Variants in PTBP2 observed in about 807,000 individuals in gnomAD.
The protein encoded by PTBP2 is polypyrimidine tract binding protein 2.
PTBP2 carries 13 observed loss-of-function variants against 61.4 expected under a neutral mutation model. That is an observed-to-expected ratio of 0.21 (90% confidence interval 0.14 to 0.34). PTBP2 has a LOEUF of 0.34. PTBP2 is among the 10% of genes least tolerant of loss of function. PTBP2 has a pLI of 1.00. For missense variants in PTBP2, 405 were observed against 642.6 expected, an observed-to-expected ratio of 0.63 and a Z score of 4.00; for synonymous variants, 215 against 218.5, an observed-to-expected ratio of 0.98 and a Z score of 0.14.
chr1:96,753,910 A>G (rs1471080804), intron 3 of PTBP2, among the ~76,000 whole-genome samples: 1 of 152,170 alleles, frequency 6.6e-6, no homozygotes, highest in Non-Finnish European at 1.5e-5. Context: ...AAGTATATCT[A>G]ATGGACAATG....
chr1:96,799,359 G>A (rs528216838), intron 8 of PTBP2, among the ~76,000 whole-genome samples: 137 of 137,028 alleles, frequency 1.0e-3, no homozygotes, highest in Non-Finnish European at 1.8e-3. Flanking sequence ...GCAATGGTGC[G>A]ATCTCGGCTC....
chr1:96,790,812 A>C (rs1467465350), intron 8 of PTBP2, among the ~76,000 whole-genome samples: 2 of 152,152 alleles, frequency 1.3e-5, no homozygotes, highest in African/African-American at 4.8e-5. Context: ...GCCCAGAAGT[A>C]TGTAATTATT....
At chr1:96,767,313 C>T (rs1380707668) in intron 3 of PTBP2, among the ~76,000 whole-genome samples, 1 of 151,998 alleles carries the variant, frequency 6.6e-6, no homozygotes, top group Non-Finnish European at 1.5e-5. Context: ...TTTGGAAAAT[C>T]ATTTGAAAGG....
At chr1:96,770,080 A>C (rs1180624722) in intron 4 of PTBP2, among the ~76,000 whole-genome samples, 1 of 151,980 alleles carries the variant, frequency 6.6e-6, no homozygotes, top group East Asian at 1.9e-4. Flanking sequence ...TTGTCTTTTG[A>C]ATTGACTTTA....
chr1:96,724,275 G>A (rs1301913705), intron 2 of PTBP2, among the ~76,000 whole-genome samples: 1 of 151,210 alleles, frequency 6.6e-6, no homozygotes, highest in African/African-American at 2.4e-5. Context: ...TTTTTGAGAC[G>A]GAGCCTCACT....
intron 8 of PTBP2, among the ~76,000 whole-genome samples, chr1:96,791,297 T>G (rs1374774399): frequency 6.6e-6 from 1 of 152,232 alleles, no homozygotes; most frequent in Non-Finnish European, 1.5e-5. Context: ...AAATGTTTTC[T>G]TAAAATATAT....
rs1183025408 is a variant in PTBP2 at position 96,804,913 on chromosome 1, C to T, written c.1018C>T (p.Leu340=). The change falls in exon 9 of 14, where the codon CTG becomes TTG. Residue 340 remains leucine (L), a synonymous_variant. Coordinates refer to ENST00000674951, the MANE Select transcript of PTBP2 (RefSeq NM_021190.4). The part of the protein sequence containing the change: ...PGVSAGGNTV[L]LVSNLNEEMV... ...AGTCTCAGCTGGTGGCAATACAGTC[C>T]TGTTGGTTAGCAATTTAAATGAAGA... 6 of 1,599,114 alleles carry T rather than the reference C, an allele frequency of 3.8e-6. No homozygotes were observed. Among genetic ancestry groups the T allele is most frequent in the Admixed American group, 3.4e-5 (2 of 59,036 alleles).
rs1432274134 is a variant in PTBP2 at position 96,762,325 on chromosome 1, A to G, written c.116-7378A>G. Among the ~76,000 whole-genome samples the G allele has an allele frequency of 3.3e-5, 5 of 149,406 alleles. No individual in the cohort carries two copies. In the South Asian group the frequency reaches 6.3e-4, roughly 19 times the overall value. On this transcript the variant is annotated intron_variant, in intron 3 of 13. Transcript: ENST00000674951. ...GGGCGGCCGGGCAGAGGCGCCCCTC[A>G]CTCCCCAGTAGGGGCAGCCGGGCAG...
intron 2 of PTBP2, among the ~76,000 whole-genome samples, chr1:96,729,340 A>T (rs1651048241): frequency 1.3e-5 from 2 of 152,148 alleles, no homozygotes; most frequent in Non-Finnish European, 2.9e-5. Context: ...TAAATTTTCT[A>T]CATAGATAAT....
At chr1:96,728,954 AT>A (rs1214566052) in intron 2 of PTBP2, among the ~76,000 whole-genome samples, 6 of 152,132 alleles carry the variant, frequency 3.9e-5, no homozygotes. Flanking sequence ...TATAGAAATG[AT>A]TATGGCATAT....
intron 3 of PTBP2, among the ~76,000 whole-genome samples, chr1:96,767,849 G>C (rs1360335888): frequency 6.6e-6 from 1 of 152,066 alleles, no homozygotes; most frequent in Non-Finnish European, 1.5e-5. Flanking sequence ...ATAGCTTCCT[G>C]TAGTTTTTTC....
intron 3 of PTBP2, among the ~76,000 whole-genome samples, chr1:96,765,749 TAC>T (rs1656629980): frequency 3.3e-5 from 5 of 151,348 alleles, no homozygotes; most frequent in African/African-American, 1.2e-4. Context: ...GATAGATAGA[TAC>T]TGTGAAACCC....
chr1:96,806,678 A>G, intron 10 of PTBP2, 188 bp from the exon 11 acceptor site: 2 of 662,220 alleles, frequency 3.0e-6, no homozygotes, highest in Non-Finnish European at 5.1e-6. Context: ...GGGTTTATCA[A>G]AAATTATTCT....
At chr1:96,767,924 A>G (rs1656922496) in intron 3 of PTBP2, among the ~76,000 whole-genome samples, 2 of 152,094 alleles carry the variant, frequency 1.3e-5, no homozygotes, top group South Asian at 4.1e-4. Flanking sequence ...CAGAAGCCAG[A>G]GCTTACTCTT....
At chr1:96,803,639 A>G (rs1025295339) in intron 8 of PTBP2, among the ~76,000 whole-genome samples, 1 of 152,184 alleles carries the variant, frequency 6.6e-6, no homozygotes, top group Non-Finnish European at 1.5e-5. Flanking sequence ...GAAAGGTCAT[A>G]GTAGTTTCTA....
intron 5 of PTBP2, among the ~76,000 whole-genome samples, chr1:96,776,344 C>G (rs1658039137): frequency 6.7e-6 from 1 of 149,034 alleles, no homozygotes; most frequent in Non-Finnish European, 1.5e-5. Flanking sequence ...ATAATAGTAT[C>G]AAGATGTCTA....
At chr1:96,770,581 A>G in intron 4 of PTBP2, 127 bp from the exon 5 acceptor site, 2 of 884,708 alleles carry the variant, frequency 2.3e-6, no homozygotes, top group Non-Finnish European at 3.4e-6. Flanking sequence ...TCTGCTTATC[A>G]GAACATTTAA....
At chr1:96,784,775 A>C (rs1457915319) in intron 7 of PTBP2, among the ~76,000 whole-genome samples, 1 of 152,082 alleles carries the variant, frequency 6.6e-6, no homozygotes, top group Non-Finnish European at 1.5e-5. Context: ...GTTTTTTTAA[A>C]ACTAACCTAT....
At chr1:96,792,382 G>A in intron 8 of PTBP2, among the ~76,000 whole-genome samples, 1 of 152,314 alleles carries the variant, frequency 6.6e-6, no homozygotes, top group Non-Finnish European at 1.5e-5. Context: ...ACAAAGAACA[G>A]TTTGCCCAGA....
Sources: allele counts gnomAD v4.1 joint callset (sites outside exome capture counted in the v4.1 genomes callset), GRCh38; gene constraint gnomAD v4.1.1; transcripts MANE v1.5; gene names NCBI Gene and HGNC (gene_info 2026-07-23, HGNC 2026-07-21).